The following RAPGEF2 variants were observed in gnomAD, a reference collection of about 807,000 sequenced individuals.
RAPGEF2 encodes PDZ domain containing guanine nucleotide exchange factor (GEF) 1.
A neutral mutation model predicts 186.7 loss-of-function variants in RAPGEF2; 54 were observed. The observed-to-expected ratio is 0.29, with a 90% CI of 0.23 to 0.36. The LOEUF (loss-of-function observed/expected upper bound fraction) is 0.36, where lower values mean the gene tolerates loss of function less well. RAPGEF2 is among the 10% of genes least tolerant of loss of function. The probability of loss-of-function intolerance (pLI) is 1.00; values close to 1 mark genes in which losing one functional copy is unlikely to be tolerated. For missense variants in RAPGEF2, 1,532 were observed against 2,045.0 expected, an observed-to-expected ratio of 0.75 and a Z score of 4.84; for synonymous variants, 712 against 705.9, an observed-to-expected ratio of 1.01 and a Z score of -0.14.
intron 7 of RAPGEF2, among the ~76,000 whole-genome samples, chr4:159,246,084 T>C (rs1281396751): frequency 1.3e-5 from 2 of 152,148 alleles, no homozygotes; most frequent in African/African-American, 4.8e-5. Flanking sequence ...ACAAAAATTT[T>C]AAAATGATGA....
chr4:159,316,423 C>T (rs1764614611), intron 9 of RAPGEF2, among the ~76,000 whole-genome samples: 1 of 152,006 alleles, frequency 6.6e-6, no homozygotes, highest in African/African-American at 2.4e-5. Flanking sequence ...GGCTTGCTGC[C>T]CACAGTACCC....
intron 7 of RAPGEF2, among the ~76,000 whole-genome samples, chr4:159,281,792 A>AGGAG (rs1439104315): frequency 6.6e-6 from 1 of 152,064 alleles, no homozygotes; most frequent in Non-Finnish European, 1.5e-5. Flanking sequence ...TAGTCATCTT[A>AGGAG]CAATATTAGG....
intron 1 of RAPGEF2, among the ~76,000 whole-genome samples, chr4:159,158,214 A>G (rs2111210341): frequency 6.6e-6 from 1 of 152,276 alleles, no homozygotes; most frequent in Admixed American, 6.5e-5. Context: ...CTTCAACTTC[A>G]CTCCCCAACC....
intron 7 of RAPGEF2, among the ~76,000 whole-genome samples, chr4:159,299,173 A>G (rs1391396853): frequency 6.6e-6 from 1 of 152,098 alleles, no homozygotes; most frequent in Non-Finnish European, 1.5e-5. Flanking sequence ...TAAGTGTGAT[A>G]TTTATTTTAC....
intron 7 of RAPGEF2, among the ~76,000 whole-genome samples, chr4:159,244,230 A>G (rs940954180): frequency 6.6e-6 from 1 of 151,942 alleles, no homozygotes; most frequent in Non-Finnish European, 1.5e-5. Context: ...AGGAATCTCA[A>G]TGGGAGAACA....
intron 7 of RAPGEF2, among the ~76,000 whole-genome samples, chr4:159,253,212 A>G (rs1755678819): frequency 6.6e-6 from 1 of 152,382 alleles, no homozygotes; most frequent in South Asian, 2.1e-4. Flanking sequence ...AAATTTGACC[A>G]GTAGTGGTTT....
intron 1 of RAPGEF2, among the ~76,000 whole-genome samples, chr4:159,139,388 C>T (rs1398836450): frequency 1.3e-5 from 2 of 152,160 alleles, no homozygotes; most frequent in Non-Finnish European, 2.9e-5. Flanking sequence ...ACAGTTTCTT[C>T]AATCTCATTT....
chr4:159,308,657 T>C (rs1763592416), intron 8 of RAPGEF2, among the ~76,000 whole-genome samples: 1 of 152,238 alleles, frequency 6.6e-6, no homozygotes, highest in African/African-American at 2.4e-5. Context: ...ATTTAGATGC[T>C]GTACACCAGG....
chr4:159,223,245 A>G (rs1751708553), intron 4 of RAPGEF2, among the ~76,000 whole-genome samples: 1 of 152,106 alleles, frequency 6.6e-6, no homozygotes, highest in Non-Finnish European at 1.5e-5. Context: ...TTGCTATTAA[A>G]TAGAAAATAG....
intron 4 of RAPGEF2, among the ~76,000 whole-genome samples, chr4:159,220,516 C>T (rs1751429026): frequency 1.3e-5 from 2 of 152,170 alleles, no homozygotes; most frequent in African/African-American, 2.4e-5. Flanking sequence ...CACTCCTTGG[C>T]GAGACATACA....
At chr4:159,307,970 C>T (rs1763509202) in intron 8 of RAPGEF2, among the ~76,000 whole-genome samples, 1 of 151,640 alleles carries the variant, frequency 6.6e-6, no homozygotes, top group Admixed American at 6.6e-5. Flanking sequence ...GACTCCGTCT[C>T]AAAAAACAAA....
intron 1 of RAPGEF2, among the ~76,000 whole-genome samples, chr4:159,149,035 G>A (rs28391217): frequency 0.013 from 1,918 of 152,212 alleles, 41 homozygotes; most frequent in African/African-American, 0.045. Context: ...TCTAAGGCTG[G>A]AAGAGGGTAG....
At chr4:159,283,952 G>T (rs1435339803) in intron 7 of RAPGEF2, among the ~76,000 whole-genome samples, 1 of 152,000 alleles carries the variant, frequency 6.6e-6, no homozygotes, top group Non-Finnish European at 1.5e-5. Flanking sequence ...CCCCAAATTT[G>T]CATGCAGTAA....
chr4:159,111,106 G>A (rs1738444405), intron 1 of RAPGEF2, among the ~76,000 whole-genome samples: 1 of 152,010 alleles, frequency 6.6e-6, no homozygotes. Context: ...GCTGTATTCA[G>A]CTGTTTCCTT....
intron 1 of RAPGEF2, among the ~76,000 whole-genome samples, chr4:159,107,544 A>G (rs951168774): frequency 3.9e-5 from 6 of 152,162 alleles, no homozygotes; most frequent in Admixed American, 1.3e-4. Flanking sequence ...AGCTAGTTGT[A>G]AAAGTTACTG....
At chr4:159,228,277 G>C (rs1284030353) in intron 4 of RAPGEF2, 1 of 152,284 alleles carries the variant, frequency 6.6e-6, no homozygotes, top group African/African-American at 2.4e-5. Context: ...AGTGCTCAGT[G>C]CTGCAGAGAA....
At chr4:159,112,247 T>C (rs1738577579) in intron 1 of RAPGEF2, among the ~76,000 whole-genome samples, 1 of 152,188 alleles carries the variant, frequency 6.6e-6, no homozygotes, top group African/African-American at 2.4e-5. Context: ...ATGGGTTTAA[T>C]AGTGACAATG....
At chr4:159,179,983 C>T (rs1358428114) in intron 1 of RAPGEF2, among the ~76,000 whole-genome samples, 1 of 152,094 alleles carries the variant, frequency 6.6e-6, no homozygotes, top group Non-Finnish European at 1.5e-5. Flanking sequence ...TAGACCAGGG[C>T]ATAGTGAGCC....
At chr4:159,320,141 C>T (rs981950756) in intron 9 of RAPGEF2, among the ~76,000 whole-genome samples, 10 of 151,984 alleles carry the variant, frequency 6.6e-5, no homozygotes, top group African/African-American at 1.5e-4. Context: ...TATGGTGAGG[C>T]GTGAGGGATG....
Sources: gnomAD v4.1 joint callset for allele counts (sites outside exome capture counted in the v4.1 genomes callset) on GRCh38, gnomAD v4.1.1 for gene constraint, MANE v1.5 for transcripts, NCBI Gene and HGNC (gene_info 2026-07-23, HGNC 2026-07-21) for gene names.